Variants in CCSER2 observed in about 807,000 individuals in gnomAD.
CCSER2 encodes coiled-coil serine rich protein 2.
CCSER2 carries 46 observed loss-of-function variants against 92.3 expected under a neutral mutation model. The observed-to-expected ratio is 0.50, with a 90% CI of 0.39 to 0.64. CCSER2 has a LOEUF of 0.64. Ranked by LOEUF, CCSER2 falls within the 30% of genes least tolerant of loss-of-function variation. The pLI is 0.00. For missense variants in CCSER2, 1,244 were observed against 1,238.9 expected, an observed-to-expected ratio of 1.00 and a Z score of -0.06; for synonymous variants, 433 against 431.4, an observed-to-expected ratio of 1.00 and a Z score of -0.04.
chr10:84,342,976 A>G (rs767568486), intron 1 of CCSER2, among the ~76,000 whole-genome samples: 1 of 152,056 alleles, frequency 6.6e-6, no homozygotes, highest in African/African-American at 2.4e-5. Context: ...GGGTTCAAGC[A>G]ATTCTCCTGC....
intron 7 of CCSER2, 114 bp downstream of exon 7, chr10:84,464,130 G>T: frequency 8.9e-6 from 5 of 563,572 alleles, no homozygotes; most frequent in Non-Finnish European, 1.5e-5. Context: ...CATCAGGTTT[G>T]TTCTTAACTT....
intron 6 of CCSER2, among the ~76,000 whole-genome samples, chr10:84,459,744 G>C (rs545870342): frequency 1.3e-5 from 2 of 152,200 alleles, no homozygotes; most frequent in East Asian, 3.9e-4. Context: ...GAATGGTCTT[G>C]AACTCTTGGG....
At chr10:84,378,772 C>G (rs1394036004) in intron 3 of CCSER2, among the ~76,000 whole-genome samples, 1 of 152,122 alleles carries the variant, frequency 6.6e-6, no homozygotes, top group Non-Finnish European at 1.5e-5. Flanking sequence ...GGGTCTGTCT[C>G]TTTTTGTCCA....
intron 1 of CCSER2, among the ~76,000 whole-genome samples, chr10:84,329,292 C>T (rs964274545): frequency 6.6e-6 from 1 of 152,200 alleles, no homozygotes; most frequent in Non-Finnish European, 1.5e-5. Context: ...TCTCTCTTGT[C>T]TTTAGACATG....
chr10:84,419,566 A>G (rs1843040344), intron 4 of CCSER2, among the ~76,000 whole-genome samples: 1 of 152,160 alleles, frequency 6.6e-6, no homozygotes, highest in Admixed American at 6.6e-5. Context: ...ATAATTCTGT[A>G]AGGAGAGAAT....
intron 1 of CCSER2, among the ~76,000 whole-genome samples, chr10:84,349,878 G>A (rs1292308504): frequency 1.3e-5 from 2 of 152,130 alleles, no homozygotes; most frequent in Non-Finnish European, 2.9e-5. Flanking sequence ...GATCGGCCAG[G>A]TGCAGTGGCT....
chr10:84,440,666 T>C (rs943803164), intron 6 of CCSER2, among the ~76,000 whole-genome samples: 19 of 152,358 alleles, frequency 1.2e-4, no homozygotes, highest in African/African-American at 4.3e-4. Flanking sequence ...CTTCCTAGTT[T>C]ATTCTCTCAC....
intron 1 of CCSER2, among the ~76,000 whole-genome samples, chr10:84,338,210 G>T (rs901266917): frequency 1.3e-5 from 2 of 151,568 alleles, no homozygotes; most frequent in Non-Finnish European, 2.9e-5. Context: ...CTTGAACCCG[G>T]GAGGCAGAGG....
At chr10:84,404,767 A>G (rs1457297294) in intron 3 of CCSER2, among the ~76,000 whole-genome samples, 2 of 152,262 alleles carry the variant, frequency 1.3e-5, no homozygotes, top group Non-Finnish European at 2.9e-5. Flanking sequence ...ATCAATGACT[A>G]GTTATAAACT....
intron 1 of CCSER2, among the ~76,000 whole-genome samples, chr10:84,351,837 A>G (rs1844876060): frequency 1.3e-5 from 2 of 152,244 alleles, no homozygotes; most frequent in Non-Finnish European, 2.9e-5. Flanking sequence ...TGGCCTTACC[A>G]CATTATAATA....
At chr10:84,368,844 A>G (rs1264038313) in intron 1 of CCSER2, among the ~76,000 whole-genome samples, 1 of 151,942 alleles carries the variant, frequency 6.6e-6, no homozygotes, top group African/African-American at 2.4e-5. Flanking sequence ...CTCTCCCATC[A>G]TCCCCCTTTC....
At chr10:84,472,774 T>C (rs750804353) in intron 8 of CCSER2, among the ~76,000 whole-genome samples, 5 of 152,160 alleles carry the variant, frequency 3.3e-5, no homozygotes, top group Non-Finnish European at 5.9e-5. Context: ...AACCTCAGAA[T>C]GTATCTTTAA....
At chr10:84,509,149 A>G (rs995937540) in intron 9 of CCSER2, among the ~76,000 whole-genome samples, 10 of 151,974 alleles carry the variant, frequency 6.6e-5, no homozygotes, top group African/African-American at 1.4e-4. Flanking sequence ...TTTGGAGGGA[A>G]CAATTGTTTT....
intron 1 of CCSER2, among the ~76,000 whole-genome samples, chr10:84,352,629 C>T (rs1264184965): frequency 4.6e-5 from 7 of 151,968 alleles, no homozygotes; most frequent in Non-Finnish European, 1.0e-4. Flanking sequence ...CCTCCTCTTA[C>T]CATATTAAGT....
Position 84,484,893 on chromosome 10 carries a change from A to C in CCSER2, c.2325+7229A>C, listed in dbSNP as rs181002715. ...TGTATACAGGTTAAACCAATAACCGAAAAAACATAATTGTTTCTTAAGGAT... is the reference window on the plus strand; with the variant it reads ...TGTATACAGGTTAAACCAATAACCGCAAAAACATAATTGTTTCTTAAGGAT... On this transcript the variant is annotated intron_variant, in intron 9 of 9. Coordinates refer to ENST00000372088, the MANE Select transcript of CCSER2 (RefSeq NM_001284240.2). 1.2e-4 allele frequency among the ~76,000 whole-genome samples: 18 copies of C among 152,318 alleles called. No homozygotes were observed. In the East Asian group the frequency reaches 3.1e-3, roughly 26 times the overall value.
intron 3 of CCSER2, among the ~76,000 whole-genome samples, chr10:84,392,385 G>A (rs1841576666): frequency 6.7e-6 from 1 of 149,386 alleles, no homozygotes; most frequent in African/African-American, 2.4e-5. Context: ...GGAATATTAT[G>A]GAGAATTGTA....
chr10:84,408,014 G>T (rs1235015048), intron 3 of CCSER2, among the ~76,000 whole-genome samples: 1 of 152,142 alleles, frequency 6.6e-6, no homozygotes, highest in Admixed American at 6.6e-5. Context: ...TGAATGGGCT[G>T]GGTTGAAGGT....
intron 3 of CCSER2, among the ~76,000 whole-genome samples, chr10:84,402,946 A>T (rs1214419595): frequency 6.4e-4 from 97 of 152,196 alleles, no homozygotes; most frequent in Non-Finnish European, 5.9e-5. Context: ...TTTTTTGTAG[A>T]TATAGACAGG....
intron 1 of CCSER2, among the ~76,000 whole-genome samples, chr10:84,345,254 G>T (rs1844413858): frequency 6.6e-6 from 1 of 152,190 alleles, no homozygotes. Flanking sequence ...ATTATCACGT[G>T]CATTATATTC....
Sources: allele counts gnomAD v4.1 joint callset (sites outside exome capture counted in the v4.1 genomes callset), GRCh38; gene constraint gnomAD v4.1.1; transcripts MANE v1.5; gene names NCBI Gene and HGNC (gene_info 2026-07-23, HGNC 2026-07-21).